Variants in SCAF11 observed in about 807,000 individuals in gnomAD.
SCAF11 encodes the protein SR-related CTD associated factor 11, also known as protein SCAF11.
Under a neutral mutation model 140.5 loss-of-function variants are expected in SCAF11, and 47 were observed. That is an observed-to-expected ratio of 0.33 (90% CI 0.26 to 0.43). The LOEUF is 0.43. Among genes scored for constraint, SCAF11 ranks in the 20% least tolerant of loss-of-function variants. The probability of loss-of-function intolerance (pLI) is 1.00; values close to 1 mark genes in which losing one functional copy is unlikely to be tolerated. For missense variants in SCAF11, 1,645 were observed against 1,705.1 expected (o/e 0.96, Z 0.62); for synonymous variants, 557 against 579.4 (o/e 0.96, Z 0.55).
intron 5 of SCAF11, 132 bp downstream of exon 5, chr12:45,948,305 A>G: frequency 1.6e-6 from 1 of 613,668 alleles, no homozygotes; most frequent in Non-Finnish European, 2.9e-6. Flanking sequence ...CCCTCCTTAA[A>G]TTATCAAGTG....
intron 1 of SCAF11, among the ~76,000 whole-genome samples, chr12:45,969,666 G>C (rs1418146152): frequency 2.0e-5 from 3 of 152,094 alleles, no homozygotes; most frequent in Admixed American, 2.0e-4. Flanking sequence ...GCAAATGCAA[G>C]GACTAAAAAA....
At chr12:45,924,385 T>G (rs1944793982) in intron 12 of SCAF11, among the ~76,000 whole-genome samples, 2 of 152,060 alleles carry the variant, frequency 1.3e-5, no homozygotes, top group Non-Finnish European at 2.9e-5. Context: ...ATATACCCCC[T>G]AAACAGTGCA....
chr12:45,971,127 C>CT (rs1946062410), intron 1 of SCAF11, among the ~76,000 whole-genome samples: 1 of 152,098 alleles, frequency 6.6e-6, no homozygotes, highest in Non-Finnish European at 1.5e-5. Flanking sequence ...ATCAAGTGTT[C>CT]TAAAAAAAGA....
intron 1 of SCAF11, among the ~76,000 whole-genome samples, chr12:45,987,923 T>C (rs1007060643): frequency 9.2e-5 from 14 of 151,520 alleles, no homozygotes; most frequent in African/African-American, 3.1e-4. Context: ...GTATTGAATT[T>C]TTATGTGTCT....
In SCAF11 at chr12:45,950,710, T is replaced by A. The variant is rs115199683; in HGVS notation, c.297+940A>T. On this transcript the variant is annotated intron_variant, in intron 4 of 14. Transcript: ENST00000369367. ...CCGTTTATTTGAATTGCAGTCCTGT[T>A]TGTACCTTGCATCAAGATTCATCTG... Among the ~76,000 whole-genome samples the A allele has an allele frequency of 6.8e-3, 1,036 of 152,294 alleles. 11 individuals are homozygous for A. The highest frequency in any genetic ancestry group is 0.022 in the African/African-American group (931 of 41,570).
At chr12:45,971,148 C>T (rs1946062776) in intron 1 of SCAF11, among the ~76,000 whole-genome samples, 1 of 152,098 alleles carries the variant, frequency 6.6e-6, no homozygotes, top group Admixed American at 6.5e-5. Context: ...ATTAATTTTC[C>T]TGCTTCCTTC....
chr12:45,951,864 TTTCA>T (rs1224317447), intron 3 of SCAF11, 137 bp from the exon 4 acceptor site: 6 of 562,030 alleles, frequency 1.1e-5, no homozygotes, highest in Non-Finnish European at 1.9e-5. Flanking sequence ...CTTAAATTTG[TTTCA>T]TTCATTCAAA....
At chr12:45,922,604 A>C in intron 13 of SCAF11, 22 bp from the exon 14 acceptor site, 1 of 1,569,086 alleles carries the variant, frequency 6.4e-7, no homozygotes, top group Non-Finnish European at 8.6e-7. Context: ...AAAATGTATA[A>C]TTTATTATTT....
rs755024747 is a variant in SCAF11 at position 45,948,441 on chromosome 12, T to C, written c.394A>G (p.Ile132Val). The change falls in exon 5 of 15, where the codon ATA (isoleucine) becomes GTA (valine). Residue 132 changes from isoleucine to valine, a missense_variant. Physicochemically the swap from Ile to Val is conservative, Grantham distance 29. Transcript: ENST00000369367. ...CTTCTAAAGTTAATCACTAACCTTATACAGCTTTTAGAATTTTCATGACAG... is the reference window on the plus strand; with the variant it reads ...CTTCTAAAGTTAATCACTAACCTTACACAGCTTTTAGAATTTTCATGACAG... ...VSCHENSKSC[I>V]RRKAIVREDL... The C allele has an allele frequency of 2.5e-6, 4 of 1,600,160 alleles. No individual in the cohort carries two copies. The highest frequency in any genetic ancestry group is 3.4e-6 in the Non-Finnish European group (4 of 1,169,540).
chr12:45,984,068 G>A (rs750778510), intron 1 of SCAF11, among the ~76,000 whole-genome samples: 2 of 152,172 alleles, frequency 1.3e-5, no homozygotes, highest in Non-Finnish European at 2.9e-5. Flanking sequence ...ATTCTGGCTG[G>A]AGGCATTGGA....
intron 6 of SCAF11, among the ~76,000 whole-genome samples, chr12:45,938,471 A>G (rs150675454): frequency 6.6e-6 from 1 of 151,534 alleles, no homozygotes; most frequent in Non-Finnish European, 1.5e-5. Flanking sequence ...CCTGGGTGAC[A>G]AGAGCGAGAC....
At chr12:45,945,435 C>A in intron 5 of SCAF11, 122 bp from the exon 6 acceptor site, 1 of 621,114 alleles carries the variant, frequency 1.6e-6, no homozygotes, top group Admixed American at 3.0e-5. Context: ...GGTAACTATG[C>A]TGAAATCTGG....
At chr12:45,987,711 A>G (rs1946491274) in intron 1 of SCAF11, among the ~76,000 whole-genome samples, 1 of 152,214 alleles carries the variant, frequency 6.6e-6, no homozygotes, top group Admixed American at 6.5e-5. Context: ...GACTTAAATC[A>G]TAGAGCCTTG....
intron 3 of SCAF11, chr12:45,955,629 T>TAA (rs1242316786): frequency 6.5e-6 from 1 of 153,084 alleles, no homozygotes; most frequent in East Asian, 1.9e-4. Context: ...TTTTAACTAA[T>TAA]ACTTACTCTA....
upstream of SCAF11, chr12:45,991,878 G>T: frequency 1.6e-6 from 2 of 1,283,196 alleles, no homozygotes; most frequent in Non-Finnish European, 1.0e-6. Context: ...CCCCGCGCGC[G>T]GCTCACCCAG....
chr12:45,972,585 T>TAA (rs76785973), intron 1 of SCAF11, among the ~76,000 whole-genome samples: 30 of 107,660 alleles, frequency 2.8e-4, no homozygotes, highest in African/African-American at 3.6e-4. Flanking sequence ...CCCTGTCTCT[T>TAA]AAAAAAAAAA....
rs1592191631 is a variant in SCAF11, at chr12:45,948,592, T to C, written c.298-55A>G. 3 of 1,096,392 alleles carry C rather than the reference T, an allele frequency of 2.7e-6. No homozygotes were observed. In the East Asian group the frequency reaches 7.2e-5, roughly 26 times the overall value. The allele number at this position is 1,096,392 out of a possible 1,614,324, so 67.9% of individuals were successfully genotyped here. A position where few individuals can be genotyped will look rare whatever the true frequency, so the allele number is the denominator to read the frequency against. On this transcript the variant is annotated intron_variant, in intron 4 of 14. Transcript: ENST00000369367. Reference sequence around the variant, plus strand: ...AACAATCCAGCCTTACAAATAACTTTTTAAATTCTTCCTTGAAATGATTAA... The same window carrying C: ...AACAATCCAGCCTTACAAATAACTTCTTAAATTCTTCCTTGAAATGATTAA...
chr12:45,926,680 A>T lies in SCAF11; in HGVS notation c.3021T>A (p.Ala1007=). The change falls in exon 11 of 15, where the codon GCT becomes GCA. Residue 1007 remains alanine (A), a synonymous_variant. Coordinates refer to ENST00000369367, the MANE Select transcript of SCAF11 (RefSeq NM_004719.3). The stretch of plus-strand genomic sequence containing the variant: ...GTTTGTCAGCAGAATTTGGATCATC[A>T]GCATCTAGATGGATGTCATTTTTTT... ...RKEKNDIHLD[A]DDPNSADKHR... is the part of the protein sequence containing the mutation. The T allele has an allele frequency of 6.2e-7, 1 of 1,613,646 alleles. No individual in the cohort carries two copies. Among genetic ancestry groups the T allele is most frequent in the Non-Finnish European group, 8.5e-7 (1 of 1,179,984 alleles).
In SCAF11 at chr12:45,965,081, A is replaced by T. The variant is rs116813767; in HGVS notation, c.-21-893T>A. ...ATAAGCAGAGCAATGTAAATCAAGT[A>T]TGGCTAGATTATAGATGGATCGCTA... On this transcript the variant is annotated intron_variant, in intron 1 of 14. Transcript: ENST00000369367. 5.2e-3 allele frequency among the ~76,000 whole-genome samples: 798 copies of T among 152,302 alleles called. 12 individuals carry two copies. The highest frequency in any genetic ancestry group is 0.018 in the African/African-American group (743 of 41,554).
Sources: gnomAD v4.1 joint callset for allele counts (sites outside exome capture counted in the v4.1 genomes callset) on GRCh38, gnomAD v4.1.1 for gene constraint, MANE v1.5 for transcripts, NCBI Gene and HGNC (gene_info 2026-07-23, HGNC 2026-07-21) for gene names.